Variants in NFATC1 observed in about 807,000 individuals in gnomAD.
NFATC1 encodes nuclear factor of activated T cells 1, also known as nuclear factor of activated T-cells, cytoplasmic 1.
A neutral mutation model predicts 76.0 loss-of-function variants in NFATC1; 22 were observed. That is an observed-to-expected ratio of 0.29 (90% CI 0.21 to 0.41). NFATC1 has a LOEUF of 0.41. NFATC1 is among the 10% of genes least tolerant of loss of function. The pLI, the probability that NFATC1 is intolerant of heterozygous loss-of-function variation, is 1.00. For missense variants in NFATC1, 1,357 were observed against 1,337.7 expected, an observed-to-expected ratio of 1.01 and a Z score of -0.23; for synonymous variants, 704 against 613.1, an observed-to-expected ratio of 1.15 and a Z score of -2.19.
chr18:79,469,795 C>T, intron 8 of NFATC1: 1 of 985,464 alleles, frequency 1.0e-6, no homozygotes, highest in Non-Finnish European at 1.2e-6. Context: ...TCCCAGGTCC[C>T]CACAAGCACA....
rs951430426 is a variant in NFATC1, at chr18:79,461,208, G to A, written c.1904-103G>A. On this transcript the variant is annotated intron_variant, in intron 6 of 9. Transcript: ENST00000427363. The stretch of plus-strand genomic sequence containing the variant: ...CTACGTGGGTCTCCTGGGACAAGGC[G>A]CCCTCCTGGCTCAGGGCCCTGGGTC... 24 of 1,370,266 alleles carry A rather than the reference G, an allele frequency of 1.8e-5. No homozygotes were observed. The Admixed American group carries it at 2.5e-4, about 14-fold the overall frequency. The allele number at this position is 1,370,266 out of a possible 1,614,324, so 84.9% of individuals were successfully genotyped here.
intron 8 of NFATC1, among the ~76,000 whole-genome samples, chr18:79,473,902 G>T (rs201495184): frequency 6.9e-6 from 1 of 144,154 alleles, no homozygotes; most frequent in Non-Finnish European, 1.5e-5. Flanking sequence ...CACTGTCGAC[G>T]TTGTGAGGGA....
At chr18:79,484,384 C>G (rs748969999) in intron 8 of NFATC1, among the ~76,000 whole-genome samples, 1 of 152,082 alleles carries the variant, frequency 6.6e-6, no homozygotes, top group Non-Finnish European at 1.5e-5. Flanking sequence ...ACAATGGCCC[C>G]GTGATTTTCT....
At chr18:79,471,665 C>G (rs571018367) in intron 8 of NFATC1, among the ~76,000 whole-genome samples, 1 of 152,334 alleles carries the variant, frequency 6.6e-6, no homozygotes, top group Admixed American at 6.5e-5. Flanking sequence ...GTGGCCAGAG[C>G]CCCCTTCCTC....
Position 79,410,328 on chromosome 18 carries a change from C to T in NFATC1, c.128-75C>T, listed in dbSNP as rs534773117. ...TTGGTCGAGGCCGGGGGTTGCTGGC[C>T]GGCCCTGAGTTCATGGGTTTCTGCT... On this transcript the variant is annotated intron_variant, in intron 1 of 9. Transcript: ENST00000427363. The surrounding 1 kb of genome is among the most constrained non-coding windows in gnomAD (Gnocchi z 6.7). The T allele has an allele frequency of 1.9e-5, 29 of 1,525,964 alleles. No homozygotes were observed. The African/African-American group carries it at 1.9e-4, about 10-fold the overall frequency. 94.5% of individuals were successfully genotyped at this position (1,525,964 alleles called of 1,614,324 possible).
chr18:79,418,357 C>T (rs1231551182), intron 2 of NFATC1, among the ~76,000 whole-genome samples: 2 of 151,810 alleles, frequency 1.3e-5, no homozygotes, highest in Non-Finnish European at 2.9e-5. Context: ...CTGGACTCTG[C>T]CATGATGAGC....
intron 8 of NFATC1, among the ~76,000 whole-genome samples, chr18:79,476,350 C>T (rs989336725): frequency 6.6e-6 from 1 of 152,258 alleles, no homozygotes; most frequent in African/African-American, 2.4e-5. Flanking sequence ...GTCACGCGCC[C>T]CACAGAACAC....
chr18:79,429,925 A>G (rs896701651), intron 2 of NFATC1, among the ~76,000 whole-genome samples: 1 of 152,226 alleles, frequency 6.6e-6, no homozygotes, highest in African/African-American at 2.4e-5. Flanking sequence ...GTTTTACTGC[A>G]TCTTTTCCAT....
chr18:79,406,064 C>T (rs575671494), intron 1 of NFATC1, among the ~76,000 whole-genome samples: 13 of 152,184 alleles, frequency 8.5e-5, no homozygotes, highest in East Asian at 1.9e-4. Flanking sequence ...TCTAGTACCC[C>T]GTGTGGCGCA....
At chr18:79,487,595 G>A (rs1178792566) in intron 9 of NFATC1, among the ~76,000 whole-genome samples, 3 of 152,242 alleles carry the variant, frequency 2.0e-5, no homozygotes, top group Non-Finnish European at 4.4e-5. Flanking sequence ...GTGGCCTCAC[G>A]TCTGTAGCCA....
chr18:79,489,344 C>T (rs2089610848), intron 9 of NFATC1, among the ~76,000 whole-genome samples: 1 of 152,196 alleles, frequency 6.6e-6, no homozygotes, highest in African/African-American at 2.4e-5. Flanking sequence ...GGGCTGAGGC[C>T]AGAGTGCATC....
intron 5 of NFATC1, 25 bp from the exon 6 acceptor site, chr18:79,451,651 C>G (rs1386576114): frequency 3.8e-6 from 6 of 1,560,024 alleles, no homozygotes; most frequent in Admixed American, 1.8e-5. Flanking sequence ...GACAGGCCCT[C>G]ACTGCCCCTC....
At chr18:79,477,592 T>C (rs1049182986) in intron 8 of NFATC1, among the ~76,000 whole-genome samples, 1 of 149,214 alleles carries the variant, frequency 6.7e-6, no homozygotes, top group Non-Finnish European at 1.5e-5. Context: ...TCCGGGGCAC[T>C]GTCTCAGTCT....
intron 7 of NFATC1, among the ~76,000 whole-genome samples, chr18:79,466,635 C>G (rs983398846): frequency 6.6e-6 from 1 of 152,206 alleles, no homozygotes; most frequent in African/African-American, 2.4e-5. Flanking sequence ...GTAACGGCAG[C>G]CTCCACACGC....
intron 9 of NFATC1, among the ~76,000 whole-genome samples, chr18:79,506,383 G>A (rs1189285905): frequency 1.3e-5 from 2 of 152,190 alleles, no homozygotes; most frequent in Non-Finnish European, 2.9e-5. Context: ...CACCTCCGGT[G>A]ACCAGGCCTC....
intron 2 of NFATC1, among the ~76,000 whole-genome samples, chr18:79,415,146 C>T (rs2085833691): frequency 6.6e-6 from 1 of 152,210 alleles, no homozygotes. Context: ...ACGTGTCTCA[C>T]TCTCCGCACC....
chr18:79,490,686 G>A (rs9962906), intron 9 of NFATC1, among the ~76,000 whole-genome samples: 24,771 of 152,136 alleles, frequency 0.16, 3,009 homozygotes, highest in African/African-American at 0.34. Context: ...GCCGTTTCCC[G>A]CGTCCTGGGT....
At chr18:79,499,445 A>G (rs1182628676) in intron 9 of NFATC1, among the ~76,000 whole-genome samples, 1 of 152,266 alleles carries the variant, frequency 6.6e-6, no homozygotes, top group Non-Finnish European at 1.5e-5. Context: ...GAAGGAACAT[A>G]GAAACAATGA....
chr18:79,411,145 C>G lies in NFATC1; in HGVS notation c.870C>G (p.Ser290=). The G allele has an allele frequency of 6.2e-7, 1 of 1,612,438 alleles. No homozygotes were observed. Among genetic ancestry groups the G allele is most frequent in the African/African-American group, 1.3e-5 (1 of 75,046 alleles). Residue 290 remains serine (S), a synonymous_variant, in exon 2 of 10, where the codon TCC becomes TCG. Coordinates refer to ENST00000427363, the MANE Select transcript of NFATC1 (RefSeq NM_001278669.2). ...HHSPTPSPHG[S]PRVSVTDDSW... ...CGCCCACGCCGTCCCCGCACGGCTC[C>G]CCGCGGGTCAGCGTGACCGACGACT...
Sources: gnomAD v4.1 joint callset for allele counts (sites outside exome capture counted in the v4.1 genomes callset) on GRCh38, gnomAD v4.1.1 for gene constraint, Gnocchi (gnomAD v3.1) non-coding constraint, MANE v1.5 for transcripts, NCBI Gene and HGNC (gene_info 2026-07-23, HGNC 2026-07-21) for gene names.